NCKAP5: variants seen among roughly 807,000 people sequenced by gnomAD.
NCKAP5 encodes NCK associated protein 5.
In NCKAP5, 92 loss-of-function variants were observed where a neutral mutation model predicts 167.0. That is an observed-to-expected ratio of 0.55 (90% CI 0.47 to 0.66). The LOEUF (loss-of-function observed/expected upper bound fraction) is 0.66. NCKAP5 is among the 30% of genes least tolerant of loss of function. The pLI, the probability that NCKAP5 is intolerant of heterozygous loss-of-function variation, is 0.00. For synonymous variants in NCKAP5, 891 were observed against 877.4 expected (o/e 1.02, Z -0.27); for missense variants, 2,378 against 2,315.0 (o/e 1.03, Z -0.56).
At chr2:132,818,252 A>C (rs1271410725) in intron 11 of NCKAP5, among the ~76,000 whole-genome samples, 3 of 152,238 alleles carry the variant, frequency 2.0e-5, no homozygotes, top group Non-Finnish European at 2.9e-5. Flanking sequence ...GTGTGACACC[A>C]TACCCAGCCC....
intron 6 of NCKAP5, among the ~76,000 whole-genome samples, chr2:133,034,848 G>C (rs556993789): frequency 2.6e-5 from 4 of 151,606 alleles, no homozygotes; most frequent in African/African-American, 4.8e-5. Flanking sequence ...AGAAATGAAA[G>C]AAAAAAGAGA....
the NCKAP5 span, among the ~76,000 whole-genome samples, chr2:133,619,252 A>C: frequency 6.9e-6 from 1 of 145,136 alleles, no homozygotes; most frequent in Admixed American, 7.0e-5. Flanking sequence ...ACATGTATAC[A>C]TATGTAACTA....
At chr2:132,857,489 T>G (rs1220088373) in intron 11 of NCKAP5, among the ~76,000 whole-genome samples, 1 of 152,208 alleles carries the variant, frequency 6.6e-6, no homozygotes, top group East Asian at 1.9e-4. Flanking sequence ...GCTGCCAACA[T>G]TCATTAAGTT....
chr2:133,529,395 T>C (rs1685181207), intron 2 of NCKAP5, among the ~76,000 whole-genome samples: 1 of 152,126 alleles, frequency 6.6e-6, no homozygotes, highest in African/African-American at 2.4e-5. Context: ...ACCTGATATA[T>C]TCAACACCTG....
the NCKAP5 span, among the ~76,000 whole-genome samples, chr2:133,617,100 C>T: frequency 6.6e-6 from 1 of 152,202 alleles, no homozygotes; most frequent in Admixed American, 6.5e-5. Flanking sequence ...CAAAATTCAA[C>T]AGCCCTTCAT....
rs770912130 is a variant in NCKAP5, at chr2:133,517,494, G to A, written c.33C>T (p.Asp11=). 4 of 1,537,788 alleles carry A rather than the reference G, an allele frequency of 2.6e-6. No homozygotes were observed. Among genetic ancestry groups the A allele is most frequent in the Non-Finnish European group, 3.5e-6 (4 of 1,138,658 alleles). ...TGTCTAGAGACAGCCTTTTTCCAAAGTCCCTTTTCTCAAGCTGTCTCTTTC... is the reference window on the plus strand; with the variant it reads ...TGTCTAGAGACAGCCTTTTTCCAAAATCCCTTTTCTCAAGCTGTCTCTTTC... MEGKRQLEKR[D]FGKRLSLDSS... The change falls in exon 3 of 20, where the codon GAC becomes GAT. Residue 11 remains aspartate (D), a synonymous_variant. Transcript: ENST00000409261.
intron 9 of NCKAP5, among the ~76,000 whole-genome samples, chr2:132,876,361 G>T (rs963604930): frequency 6.6e-6 from 1 of 152,102 alleles, no homozygotes; most frequent in African/African-American, 2.4e-5. Context: ...GCCTCCCAAA[G>T]TGGTAGGATT....
chr2:132,841,214 T>G (rs1396474497), intron 11 of NCKAP5, among the ~76,000 whole-genome samples: 1 of 150,096 alleles, frequency 6.7e-6, no homozygotes, highest in Non-Finnish European at 1.5e-5. Flanking sequence ...TTAAAATAAT[T>G]TAATACAATT....
At chr2:133,186,192 G>C (rs1164434232) in intron 5 of NCKAP5, among the ~76,000 whole-genome samples, 1 of 151,914 alleles carries the variant, frequency 6.6e-6, no homozygotes, top group African/African-American at 2.4e-5. Flanking sequence ...TTTTGTTTAA[G>C]GCTTTTTAGG....
At chr2:133,166,731 T>C (rs763829687) in intron 5 of NCKAP5, among the ~76,000 whole-genome samples, 2 of 152,228 alleles carry the variant, frequency 1.3e-5, no homozygotes, top group African/African-American at 2.4e-5. Context: ...AGTCTTGGAC[T>C]GTCTTTAAAA....
At chr2:133,106,846 G>C (rs2081722331) in intron 6 of NCKAP5, among the ~76,000 whole-genome samples, 1 of 152,166 alleles carries the variant, frequency 6.6e-6, no homozygotes, top group South Asian at 2.1e-4. Flanking sequence ...TAAAGCATTA[G>C]AGAAATTATT....
At chr2:133,500,758 T>G (rs1575067104) in intron 3 of NCKAP5, among the ~76,000 whole-genome samples, 2 of 152,240 alleles carry the variant, frequency 1.3e-5, no homozygotes, top group Admixed American at 1.3e-4. Flanking sequence ...TTCAGGATCA[T>G]CTTTATACGT....
At chr2:133,482,593 G>A (rs995016590) in intron 3 of NCKAP5, among the ~76,000 whole-genome samples, 1 of 152,124 alleles carries the variant, frequency 6.6e-6, no homozygotes, top group African/African-American at 2.4e-5. Context: ...GACTAATTCT[G>A]CAATGAACAT....
intron 11 of NCKAP5, among the ~76,000 whole-genome samples, chr2:132,832,006 CCTT>C (rs1558833614): frequency 6.6e-6 from 1 of 151,926 alleles, no homozygotes; most frequent in East Asian, 1.9e-4. Context: ...AAGATATTTT[CCTT>C]CTTTCATTTA....
At chr2:132,975,460 G>T (rs2076952046) in intron 7 of NCKAP5, among the ~76,000 whole-genome samples, 1 of 152,118 alleles carries the variant, frequency 6.6e-6, no homozygotes. Flanking sequence ...TAAATTTTCA[G>T]ATGATGCTTT....
chr2:132,932,334 G>A (rs532084757), intron 8 of NCKAP5, among the ~76,000 whole-genome samples: 1 of 151,188 alleles, frequency 6.6e-6, no homozygotes, highest in South Asian at 2.1e-4. Flanking sequence ...TCTTTTTTTT[G>A]TGTGTGGGTG....
At chr2:132,797,469 C>T (rs1029823071) in intron 11 of NCKAP5, among the ~76,000 whole-genome samples, 1 of 152,122 alleles carries the variant, frequency 6.6e-6, no homozygotes, top group African/African-American at 2.4e-5. Context: ...CAATAAAAGT[C>T]GTGATTTATG....
intron 3 of NCKAP5, among the ~76,000 whole-genome samples, chr2:133,327,682 A>C (rs1004574178): frequency 5.3e-5 from 8 of 152,172 alleles, no homozygotes; most frequent in Non-Finnish European, 1.2e-4. Flanking sequence ...AAACTGGTAA[A>C]TAATATAGTT....
chr2:132,959,339 G>A (rs2076439704), intron 8 of NCKAP5, among the ~76,000 whole-genome samples: 1 of 152,020 alleles, frequency 6.6e-6, no homozygotes, highest in African/African-American at 2.4e-5. Context: ...ATCATTCCTA[G>A]AAGCGGCCAA....
Sources: gnomAD v4.1 joint callset for allele counts (sites outside exome capture counted in the v4.1 genomes callset) on GRCh38, gnomAD v4.1.1 for gene constraint, MANE v1.5 for transcripts, NCBI Gene and HGNC (gene_info 2026-07-23, HGNC 2026-07-21) for gene names.